PXDNL: variants seen among roughly 807,000 people sequenced by gnomAD.
PXDNL encodes the protein peroxidasin like.
A neutral mutation model predicts 150.8 loss-of-function variants in PXDNL; 145 were observed. The observed-to-expected ratio is 0.96, with a 90% CI of 0.84 to 1.10. PXDNL has a LOEUF of 1.10. Among genes scored for constraint, PXDNL ranks in the 50% least tolerant of loss-of-function variants. The pLI, the probability that PXDNL is intolerant of heterozygous loss-of-function variation, is 0.00. For synonymous variants in PXDNL, 757 were observed against 725.7 expected (o/e 1.04, Z -0.69); for missense variants, 2,087 against 1,873.9 (o/e 1.11, Z -2.10).
At chr8:51,381,622 CTTTA>C (rs143944182) in intron 17 of PXDNL, among the ~76,000 whole-genome samples, 21,409 of 141,580 alleles carry the variant, frequency 0.15, 1,729 homozygotes, top group Middle Eastern at 0.26. Flanking sequence ...TGACTGGTGT[CTTTA>C]TTTATTTATT....
intron 1 of PXDNL, among the ~76,000 whole-genome samples, chr8:51,662,663 A>G (rs1815301232): frequency 6.6e-6 from 1 of 152,258 alleles, no homozygotes; most frequent in African/African-American, 2.4e-5. Context: ...GAATGTACAT[A>G]GTTTATAAGC....
At chr8:51,788,814 C>A (rs1445617182) in intron 1 of PXDNL, among the ~76,000 whole-genome samples, 1 of 152,178 alleles carries the variant, frequency 6.6e-6, no homozygotes, top group Non-Finnish European at 1.5e-5. Flanking sequence ...TTGCAGATCT[C>A]AAGTAGAGGT....
At chr8:51,549,094 A>G (rs1483977097) in intron 4 of PXDNL, among the ~76,000 whole-genome samples, 3 of 152,224 alleles carry the variant, frequency 2.0e-5, no homozygotes, top group Non-Finnish European at 4.4e-5. Context: ...GAGACATTAT[A>G]TAATGCTAAA....
chr8:51,520,081 A>G (rs931285017), intron 4 of PXDNL, among the ~76,000 whole-genome samples: 3 of 152,132 alleles, frequency 2.0e-5, no homozygotes, highest in African/African-American at 7.2e-5. Context: ...TCCAGGAAGG[A>G]GTTCACTGAG....
At chr8:51,545,361 T>C (rs1378674729) in intron 4 of PXDNL, among the ~76,000 whole-genome samples, 2 of 152,200 alleles carry the variant, frequency 1.3e-5, no homozygotes, top group Non-Finnish European at 2.9e-5. Flanking sequence ...AGCAATATAG[T>C]AAAAATTACC....
At chr8:51,581,828 G>A (rs903885290) in intron 3 of PXDNL, among the ~76,000 whole-genome samples, 5 of 152,138 alleles carry the variant, frequency 3.3e-5, no homozygotes, top group Non-Finnish European at 5.9e-5. Context: ...GAATTCAGCA[G>A]TGAAGCCATG....
chr8:51,458,218 C>T (rs1174414221), intron 8 of PXDNL, among the ~76,000 whole-genome samples: 1 of 152,160 alleles, frequency 6.6e-6, no homozygotes, highest in Non-Finnish European at 1.5e-5. Flanking sequence ...CTCTGAGGTG[C>T]ACCATTTGGA....
chr8:51,525,789 C>T (rs911464345), intron 4 of PXDNL, among the ~76,000 whole-genome samples: 2 of 152,174 alleles, frequency 1.3e-5, no homozygotes, highest in African/African-American at 4.8e-5. Context: ...TGATGGCAAG[C>T]AGACAGCAGG....
intron 4 of PXDNL, among the ~76,000 whole-genome samples, chr8:51,505,511 T>C (rs1332563531): frequency 2.0e-5 from 3 of 152,218 alleles, no homozygotes; most frequent in Admixed American, 2.0e-4. Flanking sequence ...ATACGGTCAA[T>C]GTTCTCAACC....
At chr8:51,750,395 TG>T (rs2037032007) in intron 1 of PXDNL, among the ~76,000 whole-genome samples, 1 of 152,210 alleles carries the variant, frequency 6.6e-6, no homozygotes, top group Non-Finnish European at 1.5e-5. Flanking sequence ...CTGAAGGACC[TG>T]TCTGAGGTTC....
At chr8:51,604,634 A>C (rs1813801520) in intron 2 of PXDNL, among the ~76,000 whole-genome samples, 1 of 152,162 alleles carries the variant, frequency 6.6e-6, no homozygotes, top group African/African-American at 2.4e-5. Flanking sequence ...ATGTACCCTA[A>C]AACTTAAAGT....
chr8:51,764,359 A>C (rs534514183), intron 1 of PXDNL, among the ~76,000 whole-genome samples: 1 of 134,478 alleles, frequency 7.4e-6, no homozygotes, highest in South Asian at 2.3e-4. Flanking sequence ...CTTTGGGTTC[A>C]GTTTGCCTTT....
chr8:51,337,030 G>T (rs1805849329), intron 21 of PXDNL, among the ~76,000 whole-genome samples: 1 of 152,132 alleles, frequency 6.6e-6, no homozygotes, highest in South Asian at 2.1e-4. Context: ...ATACCCCTGT[G>T]AAATAGTCAC....
chr8:51,742,541 C>A (rs2036917455), intron 1 of PXDNL, among the ~76,000 whole-genome samples: 1 of 152,056 alleles, frequency 6.6e-6, no homozygotes, highest in Non-Finnish European at 1.5e-5. Flanking sequence ...TTATTTCTTA[C>A]AACTTCATGG....
intron 1 of PXDNL, among the ~76,000 whole-genome samples, chr8:51,746,739 T>C (rs903972739): frequency 1.3e-5 from 2 of 152,232 alleles, no homozygotes; most frequent in African/African-American, 4.8e-5. Flanking sequence ...GTTAGTTTTT[T>C]GAGGCAAACT....
intron 1 of PXDNL, among the ~76,000 whole-genome samples, chr8:51,800,929 A>T (rs940850532): frequency 5.9e-5 from 9 of 152,216 alleles, no homozygotes; most frequent in Non-Finnish European, 1.0e-4. Context: ...GAACAATATG[A>T]AATCAGTGCA....
At chr8:51,654,645 G>C (rs1002461436) in intron 2 of PXDNL, 44 bp downstream of exon 2, 2 of 1,438,832 alleles carry the variant, frequency 1.4e-6, no homozygotes, top group Non-Finnish European at 2.0e-6. Context: ...CATCCAACCA[G>C]CATATAATTT....
chr8:51,807,356 CCTCA>C (rs35720608), intron 1 of PXDNL, among the ~76,000 whole-genome samples: 103,999 of 151,568 alleles, frequency 0.69, 42,137 homozygotes, highest in Non-Finnish European at 0.9. Flanking sequence ...TCTTGTGATA[CCTCA>C]CTCTCGCCAT....
rs375161220 is a variant in PXDNL, at chr8:51,559,292, G to A, written c.309-2381C>T. ...AGCAGCTGATCTCATGATGAATGCT[G>A]ATGTGCTGAAAGTTTGGCTTATTTT... On this transcript the variant is annotated intron_variant, in intron 3 of 22. Coordinates refer to ENST00000356297, the MANE Select transcript of PXDNL (RefSeq NM_144651.5). Among the ~76,000 whole-genome samples, 5 of 148,936 alleles carry A rather than the reference G, an allele frequency of 3.4e-5. 1 individual carries two copies. The highest frequency in any genetic ancestry group is 9.8e-5 in the African/African-American group (4 of 40,968).
Sources: allele counts gnomAD v4.1 joint callset (sites outside exome capture counted in the v4.1 genomes callset), GRCh38; gene constraint gnomAD v4.1.1; transcripts MANE v1.5; gene names NCBI Gene and HGNC (gene_info 2026-07-23, HGNC 2026-07-21).